SLC7A6: variants seen among roughly 807,000 people sequenced by gnomAD.
SLC7A6 encodes Y+L amino acid transporter 2.
In SLC7A6, 29 loss-of-function variants were observed where a neutral mutation model predicts 46.6. The ratio of observed to expected loss-of-function variants is 0.62; its 90% CI spans 0.46 to 0.85. SLC7A6 has a LOEUF of 0.85. SLC7A6 is among the 40% of genes least tolerant of loss of function. The pLI, the probability that SLC7A6 is intolerant of heterozygous loss-of-function variation, is 0.00. For missense variants in SLC7A6, 527 were observed against 647.6 expected, an observed-to-expected ratio of 0.81 and a Z score of 2.02; for synonymous variants, 276 against 257.3, an observed-to-expected ratio of 1.07 and a Z score of -0.70.
intron 3 of SLC7A6, among the ~76,000 whole-genome samples, chr16:68,277,360 G>C (rs939647513): frequency 4.7e-5 from 3 of 64,516 alleles, no homozygotes; most frequent in African/African-American, 2.3e-4. Flanking sequence ...TTGAGACGGA[G>C]TCTTGCTCTG....
chr16:68,296,872 G>C, intron 10 of SLC7A6, 62 bp downstream of exon 10: 1 of 1,564,810 alleles, frequency 6.4e-7, no homozygotes, highest in Non-Finnish European at 8.7e-7. Context: ...TGCAGAGGTG[G>C]GGGGTGGCTA....
Position 68,299,055 on chromosome 16 carries a change from C to A in SLC7A6, c.*1727C>A, listed in dbSNP as rs1248683493. ...TTCAGAGCATAATGCATATGTGAAG[C>A]ATGGGGTGACATTCCTACTGTCATG... On this transcript the variant is annotated 3_prime_UTR_variant, in exon 11 of 11. Transcript: ENST00000219343. The A allele has an allele frequency of 6.6e-6, 1 of 152,616 alleles. No homozygotes were observed. The highest frequency in any genetic ancestry group is 1.5e-5 in the Non-Finnish European group (1 of 68,028). The allele number at this position is 152,616 out of a possible 1,614,324, so 9.5% of individuals were successfully genotyped here.
At chr16:68,275,279 TG>T in intron 3 of SLC7A6, 30 bp downstream of exon 3, 5 of 871,792 alleles carry the variant, frequency 5.7e-6, no homozygotes, top group African/African-American at 2.1e-5. Context: ...GGGAGGATGT[TG>T]GGGGGTGGGG....
intron 3 of SLC7A6, chr16:68,287,288 A>G (rs2042955670): frequency 1.6e-6 from 2 of 1,282,624 alleles, no homozygotes; most frequent in Non-Finnish European, 2.0e-6. Flanking sequence ...TCATTTTTAC[A>G]CTTAATGCAA....
intron 7 of SLC7A6, 89 bp downstream of exon 7, chr16:68,291,750 A>C: frequency 4.3e-5 from 35 of 820,884 alleles, no homozygotes; most frequent in Non-Finnish European, 5.5e-5. Flanking sequence ...CCTCCTTCTC[A>C]TGGGCATATA....
intron 4 of SLC7A6, chr16:68,290,093 CTT>C (rs2151228193): frequency 3.5e-6 from 1 of 289,836 alleles, no homozygotes; most frequent in East Asian, 6.1e-5. Context: ...CCAAGAATGT[CTT>C]TGGTTTTTTA....
intron 3 of SLC7A6, among the ~76,000 whole-genome samples, chr16:68,280,579 G>T (rs2042811302): frequency 8.0e-6 from 1 of 124,838 alleles, no homozygotes; most frequent in Non-Finnish European, 1.7e-5. Flanking sequence ...AGTAGTCGTA[G>T]CTTCTTTAAA....
chr16:68,271,557 G>A (rs2042624511), intron 2 of SLC7A6, among the ~76,000 whole-genome samples: 1 of 152,012 alleles, frequency 6.6e-6, no homozygotes, highest in South Asian at 2.1e-4. Context: ...CACCTGCTTT[G>A]GCCTCCCAAA....
intron 8 of SLC7A6, 163 bp downstream of exon 8, chr16:68,294,964 G>T: frequency 3.6e-6 from 2 of 550,826 alleles, no homozygotes; most frequent in East Asian, 6.3e-5. Context: ...GTTTTATTAC[G>T]TTTAATTTTG....
At chr16:68,294,879 G>A in intron 8 of SLC7A6, 78 bp downstream of exon 8, 1 of 952,370 alleles carries the variant, frequency 1.1e-6, no homozygotes. Context: ...TGTTAAATAA[G>A]AGGGACCCTG....
chr16:68,268,559 GT>G (rs2042573359), intron 2 of SLC7A6, among the ~76,000 whole-genome samples: 1 of 151,894 alleles, frequency 6.6e-6, no homozygotes, highest in African/African-American at 2.4e-5. Flanking sequence ...CTTTCATCCC[GT>G]TTTCTGATGT....
Position 68,297,864 on chromosome 16 carries a change from G to A in SLC7A6, c.*536G>A, listed in dbSNP as rs933212845. The A allele has an allele frequency of 1.3e-5, 2 of 152,734 alleles. No homozygotes were observed. Among genetic ancestry groups the A allele is most frequent in the African/African-American group, 4.8e-5 (2 of 41,442 alleles). 9.5% of individuals were successfully genotyped at this position (152,734 alleles called of 1,614,324 possible). On this transcript the variant is annotated 3_prime_UTR_variant, in exon 11 of 11. Transcript: ENST00000219343. ...AGTCCAGAACACCAGTTCTAACGAA[G>A]CATGCGTGTCTCTTCATCTACAGGA... is the stretch of plus-strand genomic sequence containing the variant.
At position 68,300,164 on chromosome 16, in the gene SLC7A6, T is replaced by C. The variant is rs947342164; in HGVS notation, c.*2836T>C. The C allele has an allele frequency of 7.9e-5, 12 of 152,214 alleles. No individual in the cohort carries two copies. The highest frequency in any genetic ancestry group is 6.5e-4 in the Admixed American group (10 of 15,282). 9.4% of individuals were successfully genotyped at this position (152,214 alleles called of 1,614,324 possible). On this transcript the variant is annotated 3_prime_UTR_variant, in exon 11 of 11. Coordinates refer to ENST00000219343, the MANE Select transcript of SLC7A6 (RefSeq NM_003983.6). ...ACAGCTACTAGCCACGTGTAGCTAA[T>C]TACATTAAAATGAAATAAAATTAAA...
rs189832343 is a variant in SLC7A6 at position 68,301,699 on chromosome 16, T to C, written c.*4371T>C. On this transcript the variant is annotated 3_prime_UTR_variant, in exon 11 of 11. Transcript: ENST00000219343. ...TGTTGTTGTAAGAGTTGTAGTCATATTGTAAATATTTTTGTACCTTTCTCC... is the reference window on the plus strand; with the variant it reads ...TGTTGTTGTAAGAGTTGTAGTCATACTGTAAATATTTTTGTACCTTTCTCC... 6.2e-3 allele frequency: 1,345 copies of C among 217,184 alleles called. 7 individuals are homozygous for C. The highest frequency in any genetic ancestry group is 0.015 in the Admixed American group (272 of 17,964). The allele number at this position is 217,184 out of a possible 1,614,324, so 13.5% of individuals were successfully genotyped here.
intron 5 of SLC7A6, 114 bp downstream of exon 5, chr16:68,290,654 C>T (rs1322362544): frequency 8.0e-7 from 1 of 1,253,684 alleles, no homozygotes; most frequent in African/African-American, 1.5e-5. Flanking sequence ...CCTCTTCTCC[C>T]TACTCCCCCT....
rs906327902 is a variant in SLC7A6 at position 68,291,397 on chromosome 16, G to C, written c.918+65G>C. The C allele has an allele frequency of 8.7e-6, 14 of 1,602,522 alleles. No homozygotes were observed. The Admixed American group carries it at 2.4e-4, about 27-fold the overall frequency. On this transcript the variant is annotated intron_variant, in intron 6 of 10. Coordinates refer to ENST00000219343, the MANE Select transcript of SLC7A6 (RefSeq NM_003983.6). ...ATACTGAGCCACCCTGCACAGCTCA[G>C]TCTGTCTTACTGCACCCTCCTCAGC...
intron 4 of SLC7A6, among the ~76,000 whole-genome samples, chr16:68,288,496 A>G (rs2042982322): frequency 6.6e-6 from 1 of 152,172 alleles, no homozygotes; most frequent in South Asian, 2.1e-4. Context: ...CATGAGCCCT[A>G]GAGAGGTCTT....
chr16:68,267,958 A>G (rs889930507), intron 2 of SLC7A6, among the ~76,000 whole-genome samples: 2 of 152,232 alleles, frequency 1.3e-5, no homozygotes, highest in Admixed American at 6.5e-5. Flanking sequence ...GGATAGCTGG[A>G]CATGTGGAGG....
At chr16:68,288,005 GAGT>G in intron 4 of SLC7A6, 134 bp downstream of exon 4, 1 of 1,322,334 alleles carries the variant, frequency 7.6e-7, no homozygotes, top group Non-Finnish European at 1.0e-6. Context: ...CAAGAGATGG[GAGT>G]AGATTTCTTT....
Sources: allele counts gnomAD v4.1 joint callset (sites outside exome capture counted in the v4.1 genomes callset), GRCh38; gene constraint gnomAD v4.1.1; transcripts MANE v1.5; gene names NCBI Gene and HGNC (gene_info 2026-07-23, HGNC 2026-07-21).